COL25A1: variants seen among roughly 807,000 people sequenced by gnomAD.
COL25A1 encodes the protein collagen alpha-1(XXV) chain.
In COL25A1, 103 loss-of-function variants were observed where a neutral mutation model predicts 128.4. The observed-to-expected ratio is 0.80, with a 90% CI of 0.68 to 0.94. COL25A1 has a LOEUF of 0.94. Among genes scored for constraint, COL25A1 ranks in the 40% least tolerant of loss-of-function variants. COL25A1 has a pLI of 0.00. For synonymous variants in COL25A1, 279 were observed against 277.2 expected (o/e 1.01, Z -0.06); for missense variants, 745 against 840.0 (o/e 0.89, Z 1.40).
chr4:109,121,926 T>C (rs1004349488), intron 3 of COL25A1, among the ~76,000 whole-genome samples: 4 of 152,094 alleles, frequency 2.6e-5, no homozygotes, highest in African/African-American at 9.6e-5. Context: ...GACAATGGAA[T>C]ATCATATCAT....
At chr4:108,948,072 G>C (rs1435617717) in intron 8 of COL25A1, among the ~76,000 whole-genome samples, 1 of 152,126 alleles carries the variant, frequency 6.6e-6, no homozygotes, top group African/African-American at 2.4e-5. Flanking sequence ...CCTCAAAGTT[G>C]ATAAAAATAA....
intron 6 of COL25A1, 52 bp downstream of exon 6, chr4:109,010,306 C>T (rs1756451617): frequency 1.4e-6 from 2 of 1,385,956 alleles, no homozygotes; most frequent in South Asian, 1.3e-5. Flanking sequence ...AAGACCTCCA[C>T]ACTGGGAAAA....
intron 3 of COL25A1, among the ~76,000 whole-genome samples, chr4:109,100,049 T>G (rs991790323): frequency 2.0e-5 from 3 of 152,088 alleles, no homozygotes; most frequent in African/African-American, 7.2e-5. Flanking sequence ...TTAAGACTAT[T>G]GAAAAGAATG....
At chr4:109,088,774 A>C (rs545473574) in intron 3 of COL25A1, among the ~76,000 whole-genome samples, 2 of 152,330 alleles carry the variant, frequency 1.3e-5, no homozygotes, top group African/African-American at 4.8e-5. Flanking sequence ...GTAACCATTG[A>C]AGTTGGCAAC....
At chr4:108,838,852 A>G (rs933437390) in intron 31 of COL25A1, among the ~76,000 whole-genome samples, 6 of 152,038 alleles carry the variant, frequency 3.9e-5, no homozygotes, top group Admixed American at 6.5e-5. Context: ...GTGACATTAT[A>G]AAAGCCACGG....
At chr4:108,898,153 C>T (rs13109884) in intron 15 of COL25A1, among the ~76,000 whole-genome samples, 79,246 of 151,912 alleles carry the variant, frequency 0.52, 22,090 homozygotes, top group East Asian at 0.93. Context: ...ACAAACAAAC[C>T]AACCTTCTTA....
At chr4:109,020,910 T>C (rs1724449) in intron 5 of COL25A1, among the ~76,000 whole-genome samples, 77,209 of 152,096 alleles carry the variant, frequency 0.51, 22,285 homozygotes, top group African/African-American at 0.78. Flanking sequence ...AGATGGTCCT[T>C]AATTTATGAT....
chr4:108,814,923 T>G (rs529663894), intron 37 of COL25A1, among the ~76,000 whole-genome samples: 1 of 152,344 alleles, frequency 6.6e-6, no homozygotes, highest in Admixed American at 6.5e-5. Flanking sequence ...ACATTTGTTT[T>G]TCTCTATTCA....
chr4:109,012,213 T>A (rs867511055), intron 5 of COL25A1, among the ~76,000 whole-genome samples: 1 of 152,250 alleles, frequency 6.6e-6, no homozygotes, highest in Admixed American at 6.5e-5. Context: ...GGTCTTGCTA[T>A]GTTGCCTAGG....
chr4:108,835,805 A>G (rs1184405747), intron 31 of COL25A1, among the ~76,000 whole-genome samples: 1 of 145,760 alleles, frequency 6.9e-6, no homozygotes, highest in African/African-American at 2.5e-5. Flanking sequence ...ACTTGCCTCC[A>G]TCTCCCAAAG....
intron 5 of COL25A1, chr4:109,021,821 G>A (rs1757794232): frequency 2.2e-6 from 1 of 447,604 alleles, no homozygotes; most frequent in African/African-American, 2.0e-5. Flanking sequence ...GTCCTATGCG[G>A]TTGAGATAAG....
chr4:109,048,026 C>T, intron 5 of COL25A1, 142 bp downstream of exon 5: 1 of 913,216 alleles, frequency 1.1e-6, no homozygotes, highest in Admixed American at 2.2e-5. Context: ...GCCACCGCGA[C>T]TGACCACTTT....
chr4:109,256,180 T>C (rs1781075952), intron 3 of COL25A1, among the ~76,000 whole-genome samples: 1 of 151,936 alleles, frequency 6.6e-6, no homozygotes, highest in African/African-American at 2.4e-5. Flanking sequence ...TGTTTTAAAG[T>C]AGACTTCTGG....
At chr4:109,026,100 G>GCACACA (rs56718544) in intron 5 of COL25A1, among the ~76,000 whole-genome samples, 6,806 of 137,040 alleles carry the variant, frequency 0.05, 184 homozygotes, top group African/African-American at 0.082. Context: ...AAAACACTTT[G>GCACACA]CACACACACA....
chr4:109,255,539 T>C (rs1320003819), intron 3 of COL25A1, among the ~76,000 whole-genome samples: 1 of 152,200 alleles, frequency 6.6e-6, no homozygotes, highest in African/African-American at 2.4e-5. Context: ...AGAATCCTTA[T>C]GGAAACCCCT....
At chr4:109,001,644 A>G (rs1415573300) in intron 6 of COL25A1, among the ~76,000 whole-genome samples, 5 of 152,200 alleles carry the variant, frequency 3.3e-5, no homozygotes, top group Non-Finnish European at 7.3e-5. Flanking sequence ...TCAGAGAACT[A>G]AGGCATGACT....
At chr4:109,133,712 C>T (rs1022517368) in intron 3 of COL25A1, among the ~76,000 whole-genome samples, 3 of 152,094 alleles carry the variant, frequency 2.0e-5, no homozygotes, top group Non-Finnish European at 2.9e-5. Context: ...AAAGTAGGCA[C>T]TCAAAAAATA....
chr4:109,133,817 G>A (rs1043380232), intron 3 of COL25A1, among the ~76,000 whole-genome samples: 1 of 151,940 alleles, frequency 6.6e-6, no homozygotes, highest in Non-Finnish European at 1.5e-5. Context: ...TTAAACATTG[G>A]AAATAAAGAT....
chr4:109,206,926 C>G (rs759971179), intron 3 of COL25A1, among the ~76,000 whole-genome samples: 11 of 152,154 alleles, frequency 7.2e-5, no homozygotes, highest in Non-Finnish European at 1.2e-4. Flanking sequence ...CCAACTCAAC[C>G]AAATGAACGT....
Sources: gnomAD v4.1 joint callset for allele counts (sites outside exome capture counted in the v4.1 genomes callset) on GRCh38, gnomAD v4.1.1 for gene constraint, MANE v1.5 for transcripts, NCBI Gene and HGNC (gene_info 2026-07-23, HGNC 2026-07-21) for gene names.